The following PLEKHG1 variants were observed in gnomAD, a reference collection of about 807,000 sequenced individuals.
The protein encoded by PLEKHG1 is pleckstrin homology domain-containing family G member 1.
A neutral mutation model predicts 100.8 loss-of-function variants in PLEKHG1; 44 were observed. The ratio of observed to expected loss-of-function variants is 0.44; its 90% CI spans 0.34 to 0.56. The LOEUF (loss-of-function observed/expected upper bound fraction) is 0.56. Ranked by LOEUF, PLEKHG1 falls within the 20% of genes least tolerant of loss-of-function variation. The pLI is 0.01. For synonymous variants in PLEKHG1, 640 were observed against 662.5 expected, an observed-to-expected ratio of 0.97 and a Z score of 0.52; for missense variants, 1,545 against 1,720.9, an observed-to-expected ratio of 0.90 and a Z score of 1.81.
chr6:150,763,561 T>C (rs981744600), intron 2 of PLEKHG1, among the ~76,000 whole-genome samples: 2 of 152,200 alleles, frequency 1.3e-5, no homozygotes, highest in African/African-American at 4.8e-5. Flanking sequence ...TCATCTTGGC[T>C]TGAAGAAGTC....
At chr6:150,688,367 C>A (rs1780219134) in intron 3 of PLEKHG1, among the ~76,000 whole-genome samples, 1 of 151,980 alleles carries the variant, frequency 6.6e-6, no homozygotes. Flanking sequence ...GTCACCCAGG[C>A]TGGAGTGTAG....
intron 12 of PLEKHG1, 45 bp downstream of exon 13, chr6:150,819,819 G>T (rs1323553760): frequency 3.9e-6 from 4 of 1,028,150 alleles, no homozygotes; most frequent in Middle Eastern, 2.0e-4. Flanking sequence ...ATGGGGGACT[G>T]GCAATGAAAG....
intron 1 of PLEKHG1, among the ~76,000 whole-genome samples, chr6:150,606,599 A>G (rs1776611846): frequency 6.6e-6 from 1 of 152,104 alleles, no homozygotes; most frequent in African/African-American, 2.4e-5. Flanking sequence ...CTAAACTTGA[A>G]TCCTAGTCAA....
At chr6:150,821,666 A>G (rs954549376) in intron 13 of PLEKHG1, among the ~76,000 whole-genome samples, 28 of 152,212 alleles carry the variant, frequency 1.8e-4, no homozygotes, top group African/African-American at 6.7e-4. Flanking sequence ...CCTGGGCAAC[A>G]GAGTGAGACC....
intron 3 of PLEKHG1, among the ~76,000 whole-genome samples, chr6:150,669,593 C>CTTTTTT (rs1214928577): frequency 7.8e-6 from 1 of 127,592 alleles, no homozygotes; most frequent in Non-Finnish European, 1.7e-5. Context: ...AAGAATTATT[C>CTTTTTT]TTTTTTTTTT....
At chr6:150,653,745 C>A (rs531794749) in intron 3 of PLEKHG1, among the ~76,000 whole-genome samples, 7 of 149,932 alleles carry the variant, frequency 4.7e-5, no homozygotes, top group Non-Finnish European at 1.0e-4. Flanking sequence ...GAGACCCTAT[C>A]GCAAAAAAAA....
At chr6:150,731,125 A>G (rs1326729994) in intron 1 of PLEKHG1, among the ~76,000 whole-genome samples, 1 of 152,156 alleles carries the variant, frequency 6.6e-6, no homozygotes, top group Non-Finnish European at 1.5e-5. Context: ...ACCAGTCCCA[A>G]ACGTGAGTAA....
rs34542836 is a variant in PLEKHG1, at chr6:150,731,962, C to CTTTTTTT, written c.-98-1611_-98-1605dup. ...TTTAAATGCTGTGGGTATTAAGTGA[C>CTTTTTTT]TTTTTTTTTTTTTTTTTGAGACGGA... On this transcript the variant is annotated intron_variant, in intron 1 of 15. Transcript: ENST00000358517. 1.5e-5 allele frequency among the ~76,000 whole-genome samples: 2 copies of CTTTTTTT among 134,410 alleles called. 1 individual carries two copies. Among genetic ancestry groups the CTTTTTTT allele is most frequent in the Non-Finnish European group, 3.1e-5 (2 of 63,974 alleles). The allele number at this position is 134,410 out of a possible 152,430, so 88.2% of individuals were successfully genotyped here.
At chr6:150,622,507 AC>A (rs1283836635) in intron 1 of PLEKHG1, among the ~76,000 whole-genome samples, 1 of 151,878 alleles carries the variant, frequency 6.6e-6, no homozygotes, top group Non-Finnish European at 1.5e-5. Flanking sequence ...AATTCTCCCC[AC>A]CCTACCACTG....
intron 10 of PLEKHG1, 111 bp from the exon 12 acceptor site, chr6:150,818,072 T>A: frequency 1.2e-6 from 1 of 864,732 alleles, no homozygotes; most frequent in Non-Finnish European, 1.9e-6. Context: ...AGCGAGTTTT[T>A]AAACGTTTTT....
intron 5 of PLEKHG1, among the ~76,000 whole-genome samples, chr6:150,797,432 AG>A (rs1226875744): frequency 6.6e-6 from 1 of 152,154 alleles, no homozygotes; most frequent in Non-Finnish European, 1.5e-5. Context: ...GCTACTCAAG[AG>A]GCTGAGGCAG....
Position 150,600,118 on chromosome 6 carries a change from G to A in PLEKHG1, c.-204+101G>A, listed in dbSNP as rs533809902. 3.8e-4 allele frequency: 61 copies of A among 160,422 alleles called. 2 individuals carry two copies. In the South Asian group the frequency reaches 5.8e-3, roughly 15 times the overall value. The allele number at this position is 160,422 out of a possible 1,614,324, so 9.9% of individuals were successfully genotyped here. A position where few individuals can be genotyped will look rare whatever the true frequency, so the allele number is the denominator to read the frequency against. ...GAGCCCCACATCCGCAGGTGGGGCC[G>A]GGCGGAGCGTGGTACCCGGGCCCCG... On this transcript the variant is annotated intron_variant, in intron 1 of 3. Transcript: ENST00000367326. The surrounding 1 kb of genome is among the most constrained non-coding windows in gnomAD (Gnocchi z 6.2).
At chr6:150,705,207 A>G (rs1024389618) in intron 3 of PLEKHG1, among the ~76,000 whole-genome samples, 65 of 152,348 alleles carry the variant, frequency 4.3e-4, no homozygotes, top group African/African-American at 1.5e-3. Flanking sequence ...GATGTATTAA[A>G]ATGTCTAAAT....
chr6:150,721,558 C>A (rs960221691), intron 1 of PLEKHG1, among the ~76,000 whole-genome samples: 2 of 152,104 alleles, frequency 1.3e-5, no homozygotes, highest in African/African-American at 4.8e-5. Context: ...TGTCACGCGC[C>A]GAATGCCCAA....
intron 10 of PLEKHG1, among the ~76,000 whole-genome samples, chr6:150,816,120 G>A (rs1318686475): frequency 6.6e-6 from 1 of 152,108 alleles, no homozygotes; most frequent in African/African-American, 2.4e-5. Context: ...ATCTGGGGGT[G>A]ATGGGAGACA....
intron 2 of PLEKHG1, 31 bp from the exon 4 acceptor site, chr6:150,768,607 G>A: frequency 8.3e-7 from 1 of 1,200,920 alleles, no homozygotes; most frequent in Non-Finnish European, 1.2e-6. Context: ...GGACAGGAGT[G>A]TTTAAGGCAT....
intron 14 of PLEKHG1, among the ~76,000 whole-genome samples, chr6:150,826,546 G>C (rs897848959): frequency 3.3e-5 from 5 of 152,218 alleles, no homozygotes; most frequent in Admixed American, 6.5e-5. Flanking sequence ...CATTCAGGCT[G>C]TGGCAAAACT....
chr6:150,819,285 C>T (rs1776163568), intron 11 of PLEKHG1, among the ~76,000 whole-genome samples: 1 of 152,028 alleles, frequency 6.6e-6, no homozygotes, highest in Non-Finnish European at 1.5e-5. Flanking sequence ...TCCATATAGG[C>T]CGGGCATGGT....
intron 14 of PLEKHG1, among the ~76,000 whole-genome samples, chr6:150,824,389 A>T (rs1260322396): frequency 6.6e-6 from 1 of 152,178 alleles, no homozygotes; most frequent in Non-Finnish European, 1.5e-5. Context: ...CTGTATCTAG[A>T]AGAATATGGC....
Sources: allele counts gnomAD v4.1 joint callset (sites outside exome capture counted in the v4.1 genomes callset), GRCh38; gene constraint gnomAD v4.1.1; non-coding constraint Gnocchi (gnomAD v3.1); transcripts MANE v1.5; gene names NCBI Gene and HGNC (gene_info 2026-07-23, HGNC 2026-07-21).